SPATA6: variants seen among roughly 807,000 people sequenced by gnomAD.
The protein encoded by SPATA6 is spermatogenesis associated 6.
Under a neutral mutation model 65.3 loss-of-function variants are expected in SPATA6, and 56 were observed. The ratio of observed to expected loss-of-function variants is 0.86; its 90% confidence interval spans 0.69 to 1.07. The LOEUF is 1.07. SPATA6 is among the 50% of genes least tolerant of loss of function. The pLI, the probability that SPATA6 is intolerant of heterozygous loss-of-function variation, is 0.00. For missense variants in SPATA6, 590 were observed against 594.8 expected, an observed-to-expected ratio of 0.99 and a Z score of 0.08; for synonymous variants, 199 against 213.2, an observed-to-expected ratio of 0.93 and a Z score of 0.58.
At chr1:48,424,002 C>T (rs766381670) in intron 3 of SPATA6, among the ~76,000 whole-genome samples, 11 of 152,150 alleles carry the variant, frequency 7.2e-5, no homozygotes, top group Non-Finnish European at 1.5e-4. Flanking sequence ...GAGTTACAAA[C>T]AATCCAATTA....
intron 1 of SPATA6, among the ~76,000 whole-genome samples, chr1:48,468,622 A>C (rs1657984518): frequency 6.6e-6 from 1 of 152,148 alleles, no homozygotes; most frequent in Non-Finnish European, 1.5e-5. Flanking sequence ...GGGGTGATGG[A>C]AGTGTTCCAA....
rs139261589 is a variant in SPATA6 at position 48,350,413 on chromosome 1, G to A, written c.1194+5257C>T. On this transcript the variant is annotated intron_variant, in intron 11 of 12. Transcript: ENST00000371847. Reference sequence around the variant, plus strand: ...CTTTCTCTTAATAGTGACTTCCACAGAGCAAATTAAATCCAATTTATCAGT... The same window carrying A: ...CTTTCTCTTAATAGTGACTTCCACAAAGCAAATTAAATCCAATTTATCAGT... 6.3e-3 allele frequency among the ~76,000 whole-genome samples: 947 copies of A among 150,798 alleles called. 9 individuals carry two copies. The highest frequency in any genetic ancestry group is 0.02 in the African/African-American group (828 of 41,156).
chr1:48,375,056 T>C (rs368539323), intron 9 of SPATA6, among the ~76,000 whole-genome samples: 1 of 152,190 alleles, frequency 6.6e-6, no homozygotes, highest in Non-Finnish European at 1.5e-5. Context: ...ATAGGCCCTT[T>C]TGCTGCCACA....
rs147684459 is a variant in SPATA6 at position 48,347,354 on chromosome 1, A to C, written c.1194+8316T>G. Among the ~76,000 whole-genome samples the C allele has an allele frequency of 5.1e-3, 763 of 151,082 alleles. 20 individuals are homozygous for C. Among genetic ancestry groups the C allele is most frequent in the South Asian group, 0.05 (238 of 4,802 alleles). ...TAAATATAAAACCCAAAAATATAAA[A>C]ACCCTGGAAGATAACCTAGGCAATA... On this transcript the variant is annotated intron_variant, in intron 11 of 12. Transcript: ENST00000371847.
At chr1:48,339,356 A>G (rs1284177521) in intron 11 of SPATA6, among the ~76,000 whole-genome samples, 1 of 152,078 alleles carries the variant, frequency 6.6e-6, no homozygotes, top group Non-Finnish European at 1.5e-5. Context: ...TAGACATATA[A>G]TATCTAGAAT....
intron 9 of SPATA6, among the ~76,000 whole-genome samples, chr1:48,379,589 T>C (rs1026804724): frequency 6.6e-6 from 1 of 152,154 alleles, no homozygotes; most frequent in African/African-American, 2.4e-5. Flanking sequence ...TGATATATCA[T>C]ATACTTGAAA....
chr1:48,353,262 C>CA (rs1339946597), intron 11 of SPATA6, among the ~76,000 whole-genome samples: 1 of 151,278 alleles, frequency 6.6e-6, no homozygotes, highest in African/African-American at 2.4e-5. Flanking sequence ...CAATATTATT[C>CA]AAAAAATCAT....
the SPATA6 span, among the ~76,000 whole-genome samples, chr1:48,283,884 G>A: frequency 2.2e-4 from 33 of 151,952 alleles, no homozygotes; most frequent in Non-Finnish European, 3.4e-4. Context: ...TTTCAACCAC[G>A]GTGAATCTGA....
At chr1:48,313,025 C>A (rs1031586291) in intron 11 of SPATA6, among the ~76,000 whole-genome samples, 2 of 152,040 alleles carry the variant, frequency 1.3e-5, no homozygotes, top group African/African-American at 4.8e-5. Context: ...ACAAAGCCTC[C>A]AAGAAATATG....
chr1:48,351,087 T>C (rs1165948641), intron 11 of SPATA6, among the ~76,000 whole-genome samples: 1 of 151,926 alleles, frequency 6.6e-6, no homozygotes, highest in Non-Finnish European at 1.5e-5. Flanking sequence ...TGTTAGAATT[T>C]TAGCTAAGCA....
intron 1 of SPATA6, among the ~76,000 whole-genome samples, chr1:48,467,849 C>T (rs1304015769): frequency 2.0e-5 from 3 of 152,050 alleles, no homozygotes; most frequent in Non-Finnish European, 4.4e-5. Flanking sequence ...GATATGCCCT[C>T]GCACATGTTA....
At chr1:48,432,020 G>A (rs1377592531) in intron 3 of SPATA6, among the ~76,000 whole-genome samples, 1 of 152,118 alleles carries the variant, frequency 6.6e-6, no homozygotes, top group Non-Finnish European at 1.5e-5. Context: ...TGAGGTGGGA[G>A]AATGGCTTAA....
chr1:48,304,477 T>C (rs1010274073), intron 12 of SPATA6, among the ~76,000 whole-genome samples: 6 of 152,182 alleles, frequency 3.9e-5, no homozygotes, highest in Non-Finnish European at 7.3e-5. Context: ...TCTACCTACA[T>C]TAGAATTACC....
intron 1 of SPATA6, among the ~76,000 whole-genome samples, chr1:48,455,623 G>T (rs955451067): frequency 3.3e-5 from 5 of 152,066 alleles, no homozygotes; most frequent in Non-Finnish European, 7.4e-5. Flanking sequence ...CTTGTGATCT[G>T]CCCATGTCGG....
chr1:48,464,291 A>G (rs566837998), intron 1 of SPATA6, among the ~76,000 whole-genome samples: 1 of 152,282 alleles, frequency 6.6e-6, no homozygotes, highest in African/African-American at 2.4e-5. Flanking sequence ...AATTCTAGCC[A>G]TCAACATAAA....
At chr1:48,285,157 G>T in the SPATA6 span, among the ~76,000 whole-genome samples, 3 of 151,918 alleles carry the variant, frequency 2.0e-5, no homozygotes, top group South Asian at 2.1e-4. Context: ...GAGGCACTCT[G>T]GTTACAGCAG....
chr1:48,454,007 CT>C (rs1220446870), intron 1 of SPATA6, among the ~76,000 whole-genome samples: 724 of 137,300 alleles, frequency 5.3e-3, no homozygotes, highest in African/African-American at 6.2e-3. Flanking sequence ...ATCATATATT[CT>C]TTTTTTTTTT....
chr1:48,369,990 A>C (rs1468947200), intron 9 of SPATA6, among the ~76,000 whole-genome samples: 2 of 152,236 alleles, frequency 1.3e-5, no homozygotes, highest in Non-Finnish European at 2.9e-5. Flanking sequence ...AATCTATGAT[A>C]TGCAGAGTTT....
intron 11 of SPATA6, among the ~76,000 whole-genome samples, chr1:48,335,540 A>G (rs944546706): frequency 6.6e-6 from 1 of 152,258 alleles, no homozygotes; most frequent in African/African-American, 2.4e-5. Context: ...GCAATGGGGA[A>G]AGGACTCCCT....
Sources: allele counts gnomAD v4.1 joint callset (sites outside exome capture counted in the v4.1 genomes callset), GRCh38; gene constraint gnomAD v4.1.1; transcripts MANE v1.5; gene names NCBI Gene and HGNC (gene_info 2026-07-23, HGNC 2026-07-21).